The following JAK2 variants were observed in gnomAD, a reference collection of about 807,000 sequenced individuals.
JAK2 encodes Janus kinase 2, also known as tyrosine-protein kinase JAK2.
A neutral mutation model predicts 139.3 loss-of-function variants in JAK2; 86 were observed. The observed-to-expected ratio is 0.62, with a 90% CI of 0.52 to 0.74. The LOEUF (loss-of-function observed/expected upper bound fraction) is 0.74. Among genes scored for constraint, JAK2 ranks in the 30% least tolerant of loss-of-function variants. JAK2 has a pLI of 0.00. For synonymous variants in JAK2, 490 were observed against 437.7 expected (o/e 1.12, Z -1.49); for missense variants, 1,421 against 1,360.3 (o/e 1.04, Z -0.70).
rs978293362 is a variant in JAK2 at position 5,069,971 on chromosome 9, A to C, written c.1560A>C (p.Val520=). The change falls in exon 12 of 25, where the codon GTA becomes GTC. Residue 520 remains valine (V), a synonymous_variant. Transcript: ENST00000381652. Reference sequence around the variant, plus strand: ...TCAGAACGAATGGTGTTTCTGATGTACCAACCTCACCAACATTACAGAGGC... The same window carrying C: ...TCAGAACGAATGGTGTTTCTGATGTCCCAACCTCACCAACATTACAGAGGC... ...LVFRTNGVSD[V]PTSPTLQRPT... The C allele has an allele frequency of 6.2e-7, 1 of 1,606,724 alleles. No homozygotes were observed.
At chr9:5,073,368 T>C (rs1043464167) in intron 13 of JAK2, among the ~76,000 whole-genome samples, 16 of 152,202 alleles carry the variant, frequency 1.1e-4, no homozygotes, top group African/African-American at 3.9e-4. Context: ...GTTTCCTATA[T>C]CTATCTCTGA....
chr9:5,016,992 TAAA>T (rs770184781), intron 2 of JAK2, among the ~76,000 whole-genome samples: 13 of 152,184 alleles, frequency 8.5e-5, no homozygotes, highest in Non-Finnish European at 1.6e-4. Flanking sequence ...TTGATCAAGA[TAAA>T]GAAGAATCTA....
chr9:5,050,390 C>A (rs565722972), intron 5 of JAK2, among the ~76,000 whole-genome samples: 1 of 152,072 alleles, frequency 6.6e-6, no homozygotes, highest in Non-Finnish European at 1.5e-5. Context: ...CCTACCTCAG[C>A]CCCCCAAGTA....
At chr9:4,999,202 T>A (rs1820787956) in intron 2 of JAK2, among the ~76,000 whole-genome samples, 1 of 152,208 alleles carries the variant, frequency 6.6e-6, no homozygotes, top group Non-Finnish European at 1.5e-5. Flanking sequence ...TACATTTGAC[T>A]TCGGTAGCCC....
intron 4 of JAK2, chr9:5,041,448 T>C: frequency 1.6e-6 from 1 of 615,446 alleles, no homozygotes; most frequent in South Asian, 1.5e-5. Context: ...TGCAGCAGCC[T>C]CCCCTGGCAG....
chr9:5,003,325 A>G (rs1378054626), intron 2 of JAK2, among the ~76,000 whole-genome samples: 1 of 151,962 alleles, frequency 6.6e-6, no homozygotes, highest in African/African-American at 2.4e-5. Context: ...TCTGAACCAT[A>G]CTGAGTTTTT....
At position 5,090,653 on chromosome 9, in the gene JAK2, G is replaced by C. The variant is rs1820505067; in HGVS notation, c.2886+83G>C. 1.5e-5 allele frequency: 23 copies of C among 1,512,204 alleles called. No individual in the cohort carries two copies. In the East Asian group the frequency reaches 4.6e-4, roughly 30 times the overall value. The allele number at this position is 1,512,204 out of a possible 1,614,324, so 93.7% of individuals were successfully genotyped here. A position where few individuals can be genotyped will look rare whatever the true frequency, so the allele number is the denominator to read the frequency against. On this transcript the variant is annotated intron_variant, in intron 21 of 24. Transcript: ENST00000381652. The stretch of plus-strand genomic sequence containing the variant: ...AGGAAATCATCTAGACGTTTTCATA[G>C]ATAATAAAGGGAATATATAGGGTTA...
rs200298704 is a variant in JAK2, at chr9:5,054,828, G to A, written c.880G>A (p.Gly294Ser). The A allele has an allele frequency of 3.1e-6, 5 of 1,611,992 alleles. No homozygotes were observed. In the African/African-American group the frequency reaches 4.0e-5, roughly 13 times the overall value. Residue 294 changes from glycine (G) to serine (S), a missense_variant, in exon 7 of 25, where the codon GGT (glycine) becomes AGT (serine). Coordinates refer to ENST00000381652, the MANE Select transcript of JAK2 (RefSeq NM_004972.4). The surrounding 1 kb of genome is among the most constrained non-coding windows in gnomAD (Gnocchi z 4.9). ...IFATIIITGN[G>S]GIQWSRGKHK... ...TGCAACCATTATAATAACTGGAAACGGTGGAATTCAGTGGTCAAGAGGGAA... is the reference window on the plus strand; with the variant it reads ...TGCAACCATTATAATAACTGGAAACAGTGGAATTCAGTGGTCAAGAGGGAA...
At chr9:5,063,823 C>T (rs1818356324) in intron 8 of JAK2, among the ~76,000 whole-genome samples, 1 of 152,094 alleles carries the variant, frequency 6.6e-6, no homozygotes, top group African/African-American at 2.4e-5. Context: ...ATGTAAGTAA[C>T]ATGCTGCATT....
At chr9:5,033,543 T>C (rs1047321317) in intron 4 of JAK2, among the ~76,000 whole-genome samples, 1 of 152,188 alleles carries the variant, frequency 6.6e-6, no homozygotes, top group Non-Finnish European at 1.5e-5. Context: ...GCAGATCTCT[T>C]GGCAGAAACT....
chr9:5,085,185 T>G, intron 19 of JAK2: 2 of 656,750 alleles, frequency 3.0e-6, no homozygotes, highest in Non-Finnish European at 5.9e-6. Flanking sequence ...AACTGAACCA[T>G]CTCATGATCA....
In JAK2 at chr9:5,105,513, C is replaced by T. The variant is rs146072385; in HGVS notation, c.3059+14602C>T. On this transcript the variant is annotated intron_variant, in intron 22 of 24. Transcript: ENST00000381652. ...CCCAAAGTAATTTATAGATTCAATGCCATCCCCATCAAGCTACCAATGACT... is the reference window on the plus strand; with the variant it reads ...CCCAAAGTAATTTATAGATTCAATGTCATCCCCATCAAGCTACCAATGACT... Among the ~76,000 whole-genome samples, 306 of 152,248 alleles carry T rather than the reference C, an allele frequency of 2.0e-3. 1 individual carries two copies. Among genetic ancestry groups the T allele is most frequent in the Middle Eastern group, 6.8e-3 (2 of 294 alleles).
intron 22 of JAK2, among the ~76,000 whole-genome samples, chr9:5,103,701 T>A (rs1821714774): frequency 6.6e-6 from 1 of 151,908 alleles, no homozygotes; most frequent in Admixed American, 6.6e-5. Context: ...AAAGAACAGA[T>A]ATCACAACAA....
At chr9:4,989,940 T>C (rs1296267643) in intron 2 of JAK2, among the ~76,000 whole-genome samples, 2 of 152,172 alleles carry the variant, frequency 1.3e-5, no homozygotes, top group Non-Finnish European at 2.9e-5. Flanking sequence ...CTTTAAAAGT[T>C]TTGAATTGAG....
intron 12 of JAK2, among the ~76,000 whole-genome samples, chr9:5,071,325 G>C (rs1413759926): frequency 6.6e-6 from 1 of 152,090 alleles, no homozygotes; most frequent in African/African-American, 2.4e-5. Flanking sequence ...TTAAGAGTCA[G>C]TAGACCAACA....
At chr9:5,013,622 C>T (rs1014357502) in intron 2 of JAK2, among the ~76,000 whole-genome samples, 2 of 152,162 alleles carry the variant, frequency 1.3e-5, no homozygotes, top group African/African-American at 2.4e-5. Context: ...GCTTTTCTCC[C>T]TGCCAATAAT....
At chr9:5,050,947 C>T in intron 6 of JAK2, 116 bp downstream of exon 6, 1 of 844,486 alleles carries the variant, frequency 1.2e-6, no homozygotes, top group East Asian at 2.7e-5. Flanking sequence ...TTAAGTACTC[C>T]TTATCTAAAA....
chr9:5,026,866 T>C (rs1822816552), intron 3 of JAK2, among the ~76,000 whole-genome samples: 1 of 152,238 alleles, frequency 6.6e-6, no homozygotes, highest in Admixed American at 6.5e-5. Flanking sequence ...TTTAAGAAAT[T>C]ACATATGCAC....
At chr9:5,096,669 TTCA>T (rs977398045) in intron 22 of JAK2, 1 of 152,192 alleles carries the variant, frequency 6.6e-6, no homozygotes, top group African/African-American at 2.4e-5. Flanking sequence ...TCCACTTATG[TTCA>T]TCAATTGTTG....
Sources: allele counts gnomAD v4.1 joint callset (sites outside exome capture counted in the v4.1 genomes callset), GRCh38; gene constraint gnomAD v4.1.1; non-coding constraint Gnocchi (gnomAD v3.1); transcripts MANE v1.5; gene names NCBI Gene and HGNC (gene_info 2026-07-23, HGNC 2026-07-21).